The following KYAT3 variants were observed in gnomAD, a reference collection of about 807,000 sequenced individuals.
KYAT3 encodes the protein kynurenine--oxoglutarate transaminase 3.
A neutral mutation model predicts 59.0 loss-of-function variants in KYAT3; 50 were observed. That is an observed-to-expected ratio of 0.85 (90% CI 0.68 to 1.07). The LOEUF is 1.07. Among genes scored for constraint, KYAT3 ranks in the 50% least tolerant of loss-of-function variants. The pLI, the probability that KYAT3 is intolerant of heterozygous loss-of-function variation, is 0.00. For synonymous variants in KYAT3, 148 were observed against 177.0 expected (o/e 0.84, Z 1.30); for missense variants, 497 against 533.3 (o/e 0.93, Z 0.67).
At chr1:88,990,311 CTT>C (rs142326907) in intron 1 of KYAT3, among the ~76,000 whole-genome samples, 35,563 of 114,326 alleles carry the variant, frequency 0.31, 4,902 homozygotes, top group Admixed American at 0.35. Context: ...AAATAAAACT[CTT>C]GACTGTACCA....
At chr1:88,951,071 C>T (rs1675649841) in intron 10 of KYAT3, among the ~76,000 whole-genome samples, 1 of 152,164 alleles carries the variant, frequency 6.6e-6, no homozygotes, top group Admixed American at 6.5e-5. Context: ...AACCATGTGG[C>T]TGCTTAATCC....
chr1:88,964,858 T>A lies in KYAT3; in HGVS notation c.424A>T (p.Ile142Phe). The change falls in exon 5 of 14, where the codon ATT becomes TTT. Residue 142 changes from isoleucine to phenylalanine, a missense_variant. Transcript: ENST00000260508. ...TCTCCCTCATCAATTAATGCTTGAATGGTGTTAAAAAGAGATCCATATGCT... is the reference window on the plus strand; with the variant it reads ...TCTCCCTCATCAATTAATGCTTGAAAGGTGTTAAAAAGAGATCCATATGCT... ...VGAYGSLFNT[I>F]QALIDEGDEV... The A allele has an allele frequency of 6.3e-7, 1 of 1,599,704 alleles. No homozygotes were observed. Among genetic ancestry groups the A allele is most frequent in the Non-Finnish European group, 8.5e-7 (1 of 1,175,742 alleles).
chr1:88,953,905 C>CT (rs35781634), intron 9 of KYAT3, among the ~76,000 whole-genome samples: 105 of 141,204 alleles, frequency 7.4e-4, no homozygotes, highest in Middle Eastern at 3.7e-3. Flanking sequence ...TCTTCTTCTT[C>CT]TTTTTTTTTT....
chr1:88,943,526 G>T, intron 11 of KYAT3, 103 bp from the exon 12 acceptor site: 1 of 688,716 alleles, frequency 1.5e-6, no homozygotes, highest in South Asian at 1.8e-5. Flanking sequence ...ATTTAAATTA[G>T]CTTGGTTTAG....
intron 2 of KYAT3, among the ~76,000 whole-genome samples, chr1:88,978,301 C>T (rs545848814): frequency 5.9e-5 from 9 of 151,890 alleles, no homozygotes; most frequent in Non-Finnish European, 1.2e-4. Context: ...GTTGGCTGCT[C>T]ATGCTTCTTT....
chr1:88,953,338 A>G (rs1044440398), intron 9 of KYAT3, among the ~76,000 whole-genome samples, 186 bp from the exon 10 acceptor site: 2 of 152,144 alleles, frequency 1.3e-5, no homozygotes, highest in African/African-American at 2.4e-5. Flanking sequence ...TGAGGTTTGG[A>G]GTTGAAGACC....
At chr1:88,983,977 A>T in intron 2 of KYAT3, 1 of 845,886 alleles carries the variant, frequency 1.2e-6, no homozygotes, top group South Asian at 1.6e-5. Context: ...CGCAATCTGG[A>T]TGCTTTTTAA....
intron 11 of KYAT3, among the ~76,000 whole-genome samples, chr1:88,944,770 A>G (rs1266406446): frequency 6.6e-6 from 1 of 152,204 alleles, no homozygotes; most frequent in African/African-American, 2.4e-5. Context: ...GGAGTAGAAG[A>G]GGATTATTGA....
intron 2 of KYAT3, chr1:88,983,222 C>A (rs779302126): frequency 2.5e-6 from 4 of 1,613,046 alleles, no homozygotes. Flanking sequence ...AACATCTCTA[C>A]GAGAGGGGAG....
chr1:88,928,780 T>C, the KYAT3 span, among the ~76,000 whole-genome samples: 2 of 152,114 alleles, frequency 1.3e-5, no homozygotes, highest in African/African-American at 4.8e-5. Context: ...AGTCTTACTC[T>C]CCTGTCCCGG....
At chr1:88,972,425 G>GT (rs200995347) in intron 2 of KYAT3, among the ~76,000 whole-genome samples, 1 of 152,174 alleles carries the variant, frequency 6.6e-6, no homozygotes, top group African/African-American at 2.4e-5. Context: ...CTAGCACATA[G>GT]TTTCAAATAA....
At chr1:88,970,665 A>C (rs1676522758) in intron 2 of KYAT3, among the ~76,000 whole-genome samples, 1 of 152,234 alleles carries the variant, frequency 6.6e-6, no homozygotes, top group Admixed American at 6.5e-5. Flanking sequence ...ATTATCACAT[A>C]GCATACAATT....
At position 88,964,974 on chromosome 1, in the gene KYAT3, T is replaced by A; in HGVS notation, c.308A>T (p.His103Leu). The change falls in exon 5 of 14, where the codon CAT becomes CTT. Residue 103 changes from histidine (H) to leucine (L), a missense_variant. Coordinates refer to ENST00000260508, the MANE Select transcript of KYAT3 (RefSeq NM_001008661.3). ...SLNQYTRGFG[H>L]PSLVKALSYL... is the part of the protein sequence containing the mutation. ...GGACAGAGCTTTCACAAGTGATGGA[T>A]GGCCCTGTTGGATTAAAAATAAGAA... The A allele has an allele frequency of 6.3e-7, 1 of 1,594,748 alleles. No homozygotes were observed. The highest frequency in any genetic ancestry group is 8.5e-7 in the Non-Finnish European group (1 of 1,175,978).
intron 2 of KYAT3, chr1:88,983,629 G>C (rs1159438939): frequency 1.2e-6 from 2 of 1,613,952 alleles, no homozygotes; most frequent in Admixed American, 3.3e-5. Context: ...TCATGTCTCT[G>C]GCTGCATCCT....
rs1676144682 is a variant in KYAT3 at position 88,961,486 on chromosome 1, T to C, written c.561A>G (p.Arg187=). The part of the protein sequence containing the change: ...PLRSKPVYGK[R]WSSSDWTLDP... ...CTAATGTCCAGTCAGAACTAGACCATCTTTTTCCATAAACAGGTTTCTAAG... is the reference window on the plus strand; with the variant it reads ...CTAATGTCCAGTCAGAACTAGACCACCTTTTTCCATAAACAGGTTTCTAAG... The change falls in exon 7 of 14, where the codon AGA becomes AGG. Residue 187 remains arginine, a synonymous_variant. Coordinates refer to ENST00000260508, the MANE Select transcript of KYAT3 (RefSeq NM_001008661.3). 6.2e-7 allele frequency: 1 copy of C among 1,611,764 alleles called. No individual in the cohort carries two copies. Among genetic ancestry groups the C allele is most frequent in the Non-Finnish European group, 8.5e-7 (1 of 1,178,796 alleles).
chr1:88,986,039 G>A (rs1056817209), intron 2 of KYAT3, among the ~76,000 whole-genome samples: 1 of 152,058 alleles, frequency 6.6e-6, no homozygotes, highest in Non-Finnish European at 1.5e-5. Flanking sequence ...ATATTGGCCG[G>A]GAGTGGTGGC....
Position 88,943,054 on chromosome 1 carries a change from G to C in KYAT3, c.1253C>G (p.Ser418Ter). 1.2e-6 allele frequency: 2 copies of C among 1,613,018 alleles called. No homozygotes were observed. The highest frequency in any genetic ancestry group is 1.7e-6 in the Non-Finnish European group (2 of 1,179,632). Residue 418 changes from serine to a stop codon, truncating the protein, a stop_gained, in exon 13 of 14, where the codon TCA (serine) becomes TGA (stop). Coordinates refer to ENST00000260508, the MANE Select transcript of KYAT3 (RefSeq NM_001008661.3). LOFTEE classifies it high-confidence loss of function. ...SAIPVSAFCN[S>*]ETKSQFEKFV... The stretch of plus-strand genomic sequence containing the variant: ...CTTCTCAAACTGTGATTTAGTCTCT[G>C]AGTTACAGAATGCTGAAACGGGGAT...
At chr1:88,945,019 T>C (rs1249295223) in intron 11 of KYAT3, among the ~76,000 whole-genome samples, 1 of 152,066 alleles carries the variant, frequency 6.6e-6, no homozygotes, top group Non-Finnish European at 1.5e-5. Context: ...AATCTTTGTA[T>C]TTTTAGTAGA....
intron 1 of KYAT3, among the ~76,000 whole-genome samples, chr1:88,992,133 C>T (rs1015106847): frequency 6.6e-6 from 1 of 152,042 alleles, no homozygotes; most frequent in Non-Finnish European, 1.5e-5. Flanking sequence ...CGCCCGCCAC[C>T]ACGCCCGGCT....
Sources: allele counts gnomAD v4.1 joint callset (sites outside exome capture counted in the v4.1 genomes callset), GRCh38; gene constraint gnomAD v4.1.1; transcripts MANE v1.5; gene names NCBI Gene and HGNC (gene_info 2026-07-23, HGNC 2026-07-21).